MACROD2: variants seen among roughly 807,000 people sequenced by gnomAD.
MACROD2 encodes the protein mono-ADP ribosylhydrolase 2, also known as ADP-ribose glycohydrolase MACROD2.
A neutral mutation model predicts 70.4 loss-of-function variants in MACROD2; 36 were observed. That is an observed-to-expected ratio of 0.51 (90% confidence interval 0.39 to 0.68). MACROD2 has a LOEUF of 0.68. MACROD2 is among the 30% of genes least tolerant of loss of function. MACROD2 has a pLI of 0.00. For synonymous variants in MACROD2, 172 were observed against 178.8 expected (o/e 0.96, Z 0.30); for missense variants, 496 against 538.4 (o/e 0.92, Z 0.78).
chr20:15,847,285 G>C (rs175810), intron 8 of MACROD2, among the ~76,000 whole-genome samples: 20,069 of 152,106 alleles, frequency 0.13, 1,626 homozygotes, highest in South Asian at 0.26. Context: ...GTGGACTTTC[G>C]GCAGCATTAT....
chr20:15,910,099 T>G (rs2065213453), intron 10 of MACROD2, among the ~76,000 whole-genome samples: 1 of 152,204 alleles, frequency 6.6e-6, no homozygotes, highest in African/African-American at 2.4e-5. Context: ...TTGATGTTCT[T>G]TCTCAAAACC....
At chr20:14,839,746 G>A (rs6110446) in intron 5 of MACROD2, among the ~76,000 whole-genome samples, 1 of 151,940 alleles carries the variant, frequency 6.6e-6, no homozygotes, top group African/African-American at 2.4e-5. Context: ...TTGGATATTA[G>A]GAAAAAGAGA....
intron 7 of MACROD2, among the ~76,000 whole-genome samples, chr20:15,496,733 C>T (rs914540064): frequency 6.6e-6 from 1 of 152,020 alleles, no homozygotes; most frequent in Non-Finnish European, 1.5e-5. Flanking sequence ...CTAGAAAGGC[C>T]CCCTGGGGTC....
intron 7 of MACROD2, among the ~76,000 whole-genome samples, chr20:15,464,777 C>T (rs989533320): frequency 2.0e-5 from 3 of 152,188 alleles, no homozygotes; most frequent in Non-Finnish European, 2.9e-5. Context: ...GCCTCTAGAT[C>T]GGCTTTGTTT....
chr20:14,541,459 A>C (rs1194603848), intron 4 of MACROD2, among the ~76,000 whole-genome samples: 1 of 152,020 alleles, frequency 6.6e-6, no homozygotes, highest in South Asian at 2.1e-4. Flanking sequence ...TTCTCCTATT[A>C]CTTATAATTA....
chr20:15,818,989 A>G (rs953930401), intron 8 of MACROD2, among the ~76,000 whole-genome samples: 1 of 152,016 alleles, frequency 6.6e-6, no homozygotes, highest in African/African-American at 2.4e-5. Context: ...GTAATTGGAG[A>G]AGCAGGGATT....
intron 5 of MACROD2, among the ~76,000 whole-genome samples, chr20:14,892,259 G>T (rs1462571011): frequency 1.3e-5 from 2 of 152,052 alleles, no homozygotes; most frequent in Non-Finnish European, 2.9e-5. Flanking sequence ...ATCACTTGAG[G>T]TCAGGAGTTC....
intron 6 of MACROD2, among the ~76,000 whole-genome samples, chr20:15,399,476 C>T (rs73901022): frequency 1.3e-5 from 2 of 152,244 alleles, no homozygotes; most frequent in East Asian, 3.9e-4. Context: ...TACTATTCTA[C>T]TATCCCTCCT....
At chr20:14,351,268 T>A (rs995302594) in intron 3 of MACROD2, among the ~76,000 whole-genome samples, 11 of 152,246 alleles carry the variant, frequency 7.2e-5, no homozygotes, top group African/African-American at 1.4e-4. Flanking sequence ...TAATTTTTTT[T>A]AAATTTCTGT....
chr20:16,022,424 T>C (rs2067016210), intron 15 of MACROD2, among the ~76,000 whole-genome samples: 1 of 152,190 alleles, frequency 6.6e-6, no homozygotes, highest in East Asian at 1.9e-4. Context: ...ACATTAAACA[T>C]GCATAGTAGA....
Position 14,326,202 on chromosome 20 carries a change from AGCAG to A in MACROD2, c.272-167276_272-167273del. On this transcript the variant is annotated intron_variant, in intron 3 of 17. Coordinates refer to ENST00000684519, the MANE Select transcript of MACROD2 (RefSeq NM_001351661.2). This position sits in a 1 kb window ranked among gnomAD's most constrained non-coding sequence, Gnocchi z 5.5. ...CCAGTTTAAGCCAGCTGAGTCTCAAAGCAGTCATAGGTAGAGCAAGTTTCCAAGA... is the reference window on the plus strand; with the variant it reads ...CCAGTTTAAGCCAGCTGAGTCTCAAATCATAGGTAGAGCAAGTTTCCAAGA... The A allele has an allele frequency of 6.2e-7, 1 of 1,613,968 alleles. No homozygotes were observed. Among genetic ancestry groups the A allele is most frequent in the Non-Finnish European group, 8.5e-7 (1 of 1,179,880 alleles).
intron 4 of MACROD2, among the ~76,000 whole-genome samples, chr20:14,651,548 G>C (rs1226403668): frequency 6.6e-6 from 1 of 152,166 alleles, no homozygotes; most frequent in Non-Finnish European, 1.5e-5. Context: ...AGCTGGATGA[G>C]GCAGAGACTG....
At chr20:15,078,721 T>C (rs75398997) in intron 5 of MACROD2, among the ~76,000 whole-genome samples, 3 of 151,696 alleles carry the variant, frequency 2.0e-5, no homozygotes, top group South Asian at 4.2e-4. Flanking sequence ...TTTTTTTTTT[T>C]CTGCAATCTT....
chr20:15,104,669 G>A (rs372617215), intron 5 of MACROD2, among the ~76,000 whole-genome samples: 5 of 152,078 alleles, frequency 3.3e-5, no homozygotes, highest in Non-Finnish European at 4.4e-5. Context: ...TGCTTCCAGC[G>A]GGTGCTTTAC....
intron 3 of MACROD2, among the ~76,000 whole-genome samples, chr20:14,403,867 A>T (rs1157353373): frequency 6.6e-6 from 1 of 152,136 alleles, no homozygotes; most frequent in Non-Finnish European, 1.5e-5. Flanking sequence ...AAAATTCATA[A>T]AACATGCAAG....
chr20:14,382,031 T>C (rs1370716096), intron 3 of MACROD2, among the ~76,000 whole-genome samples: 1 of 151,942 alleles, frequency 6.6e-6, no homozygotes, highest in Non-Finnish European at 1.5e-5. Context: ...TTTGTTTGTT[T>C]TGGTACCACA....
At chr20:15,706,700 C>T (rs1049551297) in intron 8 of MACROD2, among the ~76,000 whole-genome samples, 8 of 152,140 alleles carry the variant, frequency 5.3e-5, no homozygotes, top group Non-Finnish European at 7.4e-5. Context: ...TAAAATAGCA[C>T]ACTAATAGGG....
intron 5 of MACROD2, among the ~76,000 whole-genome samples, chr20:14,849,554 G>A (rs969660813): frequency 4.6e-5 from 7 of 152,078 alleles, no homozygotes; most frequent in African/African-American, 7.2e-5. Flanking sequence ...GCCGAGACAG[G>A]TGATCACTTG....
At chr20:14,630,796 G>A (rs1984464328) in intron 4 of MACROD2, among the ~76,000 whole-genome samples, 1 of 152,132 alleles carries the variant, frequency 6.6e-6, no homozygotes, top group South Asian at 2.1e-4. Flanking sequence ...AATCCCTTTT[G>A]AAATATGCTT....
Sources: gnomAD v4.1 joint callset for allele counts (sites outside exome capture counted in the v4.1 genomes callset) on GRCh38, gnomAD v4.1.1 for gene constraint, Gnocchi (gnomAD v3.1) non-coding constraint, MANE v1.5 for transcripts, NCBI Gene and HGNC (gene_info 2026-07-23, HGNC 2026-07-21) for gene names.